The following GLE1 variants were observed in gnomAD, a reference collection of about 807,000 sequenced individuals.
GLE1 encodes GLE1 RNA export mediator.
In GLE1, 78 loss-of-function variants were observed where a neutral mutation model predicts 97.3. The ratio of observed to expected loss-of-function variants is 0.80; its 90% CI spans 0.67 to 0.97. The LOEUF is 0.97. Among genes scored for constraint, GLE1 ranks in the 50% least tolerant of loss-of-function variants. The pLI is 0.00. For missense variants in GLE1, 753 were observed against 857.5 expected, an observed-to-expected ratio of 0.88 and a Z score of 1.52; for synonymous variants, 302 against 313.4, an observed-to-expected ratio of 0.96 and a Z score of 0.39.
intron 1 of GLE1, among the ~76,000 whole-genome samples, chr9:128,506,293 C>T (rs1275726614): frequency 6.6e-6 from 1 of 151,764 alleles, no homozygotes; most frequent in Non-Finnish European, 1.5e-5. Context: ...TGCAGTGAGC[C>T]GAGATTGTGC....
chr9:128,536,040 ATTTC>A (rs979232724), intron 11 of GLE1, among the ~76,000 whole-genome samples: 1 of 151,636 alleles, frequency 6.6e-6, no homozygotes, highest in African/African-American at 2.4e-5. Context: ...ATTTTTTCTT[ATTTC>A]TTTTTTTTGA....
At chr9:128,537,269 A>G (rs1847739508) in intron 12 of GLE1, among the ~76,000 whole-genome samples, 1 of 151,876 alleles carries the variant, frequency 6.6e-6, no homozygotes, top group African/African-American at 2.4e-5. Context: ...CCTGGCCAAC[A>G]TGGTGAAACC....
rs901595656 is a variant in GLE1, at chr9:128,525,519, A to G, written c.1129+96A>G. 3 of 825,766 alleles carry G rather than the reference A, an allele frequency of 3.6e-6. No homozygotes were observed. The African/African-American group carries it at 5.1e-5, about 14-fold the overall frequency. 51.2% of individuals were successfully genotyped at this position (825,766 alleles called of 1,614,324 possible). A position where few individuals can be genotyped will look rare whatever the true frequency, so the allele number is the denominator to read the frequency against. On this transcript the variant is annotated intron_variant, in intron 7 of 15. Coordinates refer to ENST00000309971, the MANE Select transcript of GLE1 (RefSeq NM_001003722.2). ...TGAATGTTGTGTTAAACTGTAGGAC[A>G]GTTAACCAGAATTTTATGTAATGTA...
intron 1 of GLE1, among the ~76,000 whole-genome samples, chr9:128,508,619 G>A (rs1017320357): frequency 1.3e-5 from 2 of 152,064 alleles, no homozygotes; most frequent in African/African-American, 4.8e-5. Flanking sequence ...TTTCACATAT[G>A]CTTTAGTGGG....
chr9:128,515,186 G>T (rs1220678329), intron 2 of GLE1, among the ~76,000 whole-genome samples: 1 of 152,142 alleles, frequency 6.6e-6, no homozygotes, highest in Admixed American at 6.6e-5. Flanking sequence ...AGGGATGTAG[G>T]TTGGGGATAC....
intron 2 of GLE1, among the ~76,000 whole-genome samples, chr9:128,510,385 C>T (rs973767783): frequency 7.2e-5 from 11 of 151,988 alleles, no homozygotes; most frequent in South Asian, 2.1e-4. Context: ...CCCACTATCA[C>T]GCCCGGCTTA....
At chr9:128,532,594 C>A in intron 9 of GLE1, 1 of 269,226 alleles carries the variant, frequency 3.7e-6, no homozygotes, top group Non-Finnish European at 5.7e-6. Context: ...GTCTCAGGAG[C>A]TAGAAACTTT....
intron 7 of GLE1, among the ~76,000 whole-genome samples, chr9:128,526,289 G>C (rs1316026913): frequency 3.9e-5 from 6 of 151,956 alleles, no homozygotes; most frequent in Admixed American, 2.6e-4. Context: ...CAAAATGCTA[G>C]GATTACAGGT....
Position 128,539,700 on chromosome 9 carries a change from T to G in GLE1, c.1964+2T>G, listed in dbSNP as rs773083669. 6.2e-7 allele frequency: 1 copy of G among 1,613,558 alleles called. No individual in the cohort carries two copies. The highest frequency in any genetic ancestry group is 8.5e-7 in the Non-Finnish European group (1 of 1,179,450). ...CATCAAAGAGGACTACTTTCCCAGG[T>G]ATCAGGCTTGTTGAGCAGACAGCAG... On this transcript the variant is annotated splice_donor_variant, in intron 14 of 15. Transcript: ENST00000309971. LOFTEE classifies it high-confidence loss of function.
chr9:128,523,947 A>G, intron 6 of GLE1, 101 bp downstream of exon 6: 5 of 1,069,044 alleles, frequency 4.7e-6, no homozygotes, highest in Non-Finnish European at 7.1e-6. Context: ...CTATCTGCTT[A>G]TTGGGGGAAA....
At chr9:128,523,904 A>C in intron 6 of GLE1, 58 bp downstream of exon 6, 1 of 1,577,422 alleles carries the variant, frequency 6.3e-7, no homozygotes, top group Non-Finnish European at 8.7e-7. Context: ...CTTTAAAAGC[A>C]AAACTGTTTT....
rs1847709243 is a variant in GLE1 at position 128,536,335 on chromosome 9, A to G, written c.1647-20A>G. ...AAGCGTGAGCCACCACACCCGGCCA[A>G]ATTTTTTCTTCCCGTATAGGATGCT... On this transcript the variant is annotated intron_variant, in intron 11 of 15. Transcript: ENST00000309971. 1 of 1,610,682 alleles carries G rather than the reference A, an allele frequency of 6.2e-7. No homozygotes were observed. Among genetic ancestry groups the G allele is most frequent in the Non-Finnish European group, 8.5e-7 (1 of 1,178,060 alleles).
At chr9:128,506,843 C>T (rs998159152) in intron 1 of GLE1, among the ~76,000 whole-genome samples, 1 of 152,186 alleles carries the variant, frequency 6.6e-6, no homozygotes, top group South Asian at 2.1e-4. Context: ...CTAATCTTAC[C>T]CCATCCATGT....
intron 3 of GLE1, 150 bp downstream of exon 3, chr9:128,515,789 G>A: frequency 1.5e-6 from 1 of 661,932 alleles, no homozygotes; most frequent in Non-Finnish European, 2.8e-6. Context: ...TCAGGAGTGA[G>A]TGCTCTGAAG....
At chr9:128,520,505 C>T (rs1043473708) in intron 3 of GLE1, among the ~76,000 whole-genome samples, 59 of 151,032 alleles carry the variant, frequency 3.9e-4, no homozygotes, top group African/African-American at 1.3e-3. Flanking sequence ...CTGTTTTGAT[C>T]TAATGACTAG....
intron 12 of GLE1, chr9:128,537,061 T>TAA (rs1847733689): frequency 6.4e-6 from 1 of 156,892 alleles, no homozygotes; most frequent in African/African-American, 2.4e-5. Flanking sequence ...AAAATGTCAA[T>TAA]AAGGCTAATT....
intron 1 of GLE1, among the ~76,000 whole-genome samples, chr9:128,507,238 C>T (rs936579072): frequency 3.9e-5 from 6 of 152,016 alleles, no homozygotes; most frequent in African/African-American, 1.5e-4. Context: ...GACTCATGCC[C>T]ATAATCCCAA....
rs779277967 is a variant in GLE1 at position 128,538,068 on chromosome 9, C to A, written c.1859C>A (p.Thr620Asn). 5 of 1,603,184 alleles carry A rather than the reference C, an allele frequency of 3.1e-6. No homozygotes were observed. The East Asian group carries it at 1.1e-4, about 36-fold the overall frequency. Residue 620 changes from threonine (T) to asparagine (N), a missense_variant, in exon 13 of 16, where the codon ACC (threonine) becomes AAC (asparagine). Thr to Asn is a moderately conservative substitution (Grantham distance 65). Transcript: ENST00000309971. ...NMEPLSDVTA[T>N]LLFDFLEVCG... ...GAGCCCTTGTCAGATGTGACAGCCA[C>A]CCTCCTCTTTGACTTCCTGGAGGTA...
At chr9:128,507,382 C>T (rs374238176) in intron 1 of GLE1, among the ~76,000 whole-genome samples, 1 of 151,960 alleles carries the variant, frequency 6.6e-6, no homozygotes, top group South Asian at 2.1e-4. Flanking sequence ...AGAAGTTCGA[C>T]ACCAGCCTGG....
Sources: allele counts gnomAD v4.1 joint callset (sites outside exome capture counted in the v4.1 genomes callset), GRCh38; gene constraint gnomAD v4.1.1; transcripts MANE v1.5; gene names NCBI Gene and HGNC (gene_info 2026-07-23, HGNC 2026-07-21).